RELN: variants seen among roughly 807,000 people sequenced by gnomAD.
RELN encodes reelin.
Under a neutral mutation model 427.6 loss-of-function variants are expected in RELN, and 108 were observed. That is an observed-to-expected ratio of 0.25 (90% CI 0.22 to 0.30). The LOEUF (loss-of-function observed/expected upper bound fraction) is 0.30, where lower values mean the gene tolerates loss of function less well. RELN is among the 10% of genes least tolerant of loss of function. The probability of loss-of-function intolerance (pLI) is 1.00; values close to 1 mark genes in which losing one functional copy is unlikely to be tolerated. For synonymous variants in RELN, 1,524 were observed against 1,513.4 expected (o/e 1.01, Z -0.16); for missense variants, 3,715 against 4,302.8 (o/e 0.86, Z 3.82).
chr7:103,939,285 A>G (rs1321202278), intron 1 of RELN, among the ~76,000 whole-genome samples: 1 of 152,208 alleles, frequency 6.6e-6, no homozygotes, highest in African/African-American at 2.4e-5. Flanking sequence ...CAAATAAATT[A>G]AAGAAAATAA....
rs532103019 is a variant in RELN, at chr7:103,962,567, G to A, written c.226+26564C>T. ...ATTTCAGCTCACAGAAACACCAAGC[G>A]GAGAAGAGAACACCTCCCAAAGATG... On this transcript the variant is annotated intron_variant, in intron 1 of 64. Coordinates refer to ENST00000428762, the MANE Select transcript of RELN (RefSeq NM_005045.4). Among the ~76,000 whole-genome samples the A allele has an allele frequency of 7.5e-4, 114 of 152,100 alleles. 1 individual carries two copies. In the South Asian group the frequency reaches 0.015, roughly 21 times the overall value.
intron 57 of RELN, 49 bp from the exon 58 acceptor site, chr7:103,492,075 G>A: frequency 7.2e-7 from 1 of 1,381,956 alleles, no homozygotes; most frequent in Non-Finnish European, 1.0e-6. Flanking sequence ...AGATGATACT[G>A]AATTCCATTA....
rs759829231 is a variant in RELN at position 103,553,568 on chromosome 7, T to TAC, written c.5970-7_5970-6dup. 1.2e-6 allele frequency: 2 copies of TAC among 1,613,972 alleles called. No individual in the cohort carries two copies. The highest frequency in any genetic ancestry group is 1.7e-6 in the Non-Finnish European group (2 of 1,179,860). On this transcript the variant is annotated splice_polypyrimidine_tract_variant and splice_region_variant and intron_variant, in intron 39 of 64. Transcript: ENST00000428762. ...ACCATAGCTGAATCTTCTTCACTGT[T>TAC]ACACAGGAAAACAACCAGGAATCCA...
chr7:103,926,213 G>C (rs1384330283), intron 1 of RELN, among the ~76,000 whole-genome samples: 1 of 142,918 alleles, frequency 7.0e-6, no homozygotes, highest in Non-Finnish European at 1.5e-5. Context: ...CGATTGTTCT[G>C]CCTCAGCCTC....
At chr7:103,712,331 C>A (rs1278271471) in intron 8 of RELN, among the ~76,000 whole-genome samples, 3 of 152,092 alleles carry the variant, frequency 2.0e-5, no homozygotes, top group African/African-American at 7.2e-5. Flanking sequence ...GAGTAGTTGG[C>A]ATAACAAACA....
chr7:103,508,520 A>G (rs577408566), intron 51 of RELN, among the ~76,000 whole-genome samples: 1 of 152,384 alleles, frequency 6.6e-6, no homozygotes, highest in Non-Finnish European at 1.5e-5. Flanking sequence ...AGAGCTATTT[A>G]TGACAAATCC....
intron 8 of RELN, among the ~76,000 whole-genome samples, chr7:103,702,365 T>C (rs1320205973): frequency 2.0e-5 from 3 of 152,214 alleles, no homozygotes; most frequent in South Asian, 2.1e-4. Context: ...GCTTCCTTTA[T>C]GTCTTACACA....
At position 103,500,933 on chromosome 7, in the gene RELN, T is replaced by G; in HGVS notation, c.8490-11A>C. The G allele has an allele frequency of 6.2e-7, 1 of 1,613,852 alleles. No individual in the cohort carries two copies. Among genetic ancestry groups the G allele is most frequent in the East Asian group, 2.2e-5 (1 of 44,878 alleles). ...CTAAACCTTACCGGACTATTGACAA[T>G]GCAAAAGCAAAGGAGTGAAAAACAA... On this transcript the variant is annotated splice_polypyrimidine_tract_variant and intron_variant, in intron 52 of 64. Transcript: ENST00000428762.
chr7:103,881,945 C>G (rs1385401814), intron 2 of RELN, among the ~76,000 whole-genome samples: 1 of 152,130 alleles, frequency 6.6e-6, no homozygotes, highest in Non-Finnish European at 1.5e-5. Context: ...GTATTAAAAC[C>G]AATGCATCCC....
At chr7:103,911,196 C>T (rs1795356956) in intron 2 of RELN, among the ~76,000 whole-genome samples, 1 of 139,758 alleles carries the variant, frequency 7.2e-6, no homozygotes, top group East Asian at 2.2e-4. Context: ...GGGCGAAGAG[C>T]ATGAACAGAC....
At chr7:103,710,894 A>G (rs996693050) in intron 8 of RELN, among the ~76,000 whole-genome samples, 1 of 152,184 alleles carries the variant, frequency 6.6e-6, no homozygotes, top group Non-Finnish European at 1.5e-5. Context: ...AAATAAAAAA[A>G]TTAGCTGGGT....
Position 103,673,138 on chromosome 7 carries a change from T to C in RELN, c.1289+8978A>G, listed in dbSNP as rs533198083. Reference sequence around the variant, plus strand: ...TATCACATTACTGGTATGTTTGAATTGGCTCCTGACAAATTGTTTTCTATT... The same window carrying C: ...TATCACATTACTGGTATGTTTGAATCGGCTCCTGACAAATTGTTTTCTATT... On this transcript the variant is annotated intron_variant, in intron 11 of 64. Coordinates refer to ENST00000428762, the MANE Select transcript of RELN (RefSeq NM_005045.4). 1.1e-4 allele frequency among the ~76,000 whole-genome samples: 16 copies of C among 152,270 alleles called. No individual in the cohort carries two copies. The South Asian group carries it at 2.5e-3, about 24-fold the overall frequency.
intron 20 of RELN, among the ~76,000 whole-genome samples, chr7:103,617,508 ATG>A (rs955806817): frequency 3.1e-4 from 47 of 150,636 alleles, no homozygotes; most frequent in Admixed American, 2.8e-3. Flanking sequence ...ATCTATATAT[ATG>A]TGTGTGTGTA....
intron 2 of RELN, among the ~76,000 whole-genome samples, chr7:103,905,752 AAG>A (rs1795190317): frequency 6.8e-6 from 1 of 146,424 alleles, no homozygotes; most frequent in Non-Finnish European, 1.5e-5. Context: ...TTTGTCTTCG[AAG>A]AGACTTAAAG....
rs542491398 is a variant in RELN at position 103,741,636 on chromosome 7, G to A, written c.656+7790C>T. Among the ~76,000 whole-genome samples, 29 of 135,894 alleles carry A rather than the reference G, an allele frequency of 2.1e-4. No individual in the cohort carries two copies. In the South Asian group the frequency reaches 2.9e-3, roughly 13 times the overall value. The allele number at this position is 135,894 out of a possible 152,430, so 89.2% of individuals were successfully genotyped here. On this transcript the variant is annotated intron_variant, in intron 6 of 64. Transcript: ENST00000428762. ...AAAGAGAAGAGGGAGGAGAGGGAACGGGAGAGGAAGAGATGAAAGCAAGAG... is the reference window on the plus strand; with the variant it reads ...AAAGAGAAGAGGGAGGAGAGGGAACAGGAGAGGAAGAGATGAAAGCAAGAG...
At chr7:103,619,052 T>C (rs1395348902) in intron 20 of RELN, among the ~76,000 whole-genome samples, 1 of 151,608 alleles carries the variant, frequency 6.6e-6, no homozygotes, top group Non-Finnish European at 1.5e-5. Context: ...CAGCTTGCAG[T>C]GAGCTGAGAT....
chr7:103,967,483 A>G (rs1796682794), intron 1 of RELN, among the ~76,000 whole-genome samples: 2 of 152,146 alleles, frequency 1.3e-5, no homozygotes, highest in Admixed American at 6.5e-5. Flanking sequence ...CCCCAGATGG[A>G]GCAGGCCTTT....
intron 61 of RELN, 130 bp from the exon 62 acceptor site, chr7:103,483,980 A>G (rs1189705670): frequency 3.3e-6 from 3 of 908,122 alleles, no homozygotes; most frequent in Non-Finnish European, 5.0e-6. Flanking sequence ...ACTGGGTTCA[A>G]GCGATTTTCC....
intron 17 of RELN, among the ~76,000 whole-genome samples, chr7:103,637,425 C>T (rs530128424): frequency 6.6e-6 from 1 of 152,254 alleles, no homozygotes; most frequent in African/African-American, 2.4e-5. Flanking sequence ...ACTCAGGATA[C>T]TTCTTTGGCA....
Sources: allele counts gnomAD v4.1 joint callset (sites outside exome capture counted in the v4.1 genomes callset), GRCh38; gene constraint gnomAD v4.1.1; transcripts MANE v1.5; gene names NCBI Gene and HGNC (gene_info 2026-07-23, HGNC 2026-07-21).